RYR2: variants seen among roughly 807,000 people sequenced by gnomAD.
The protein encoded by RYR2 is ryanodine receptor 2.
A neutral mutation model predicts 601.1 loss-of-function variants in RYR2; 227 were observed. The ratio of observed to expected loss-of-function variants is 0.38; its 90% CI spans 0.34 to 0.42. The LOEUF is 0.42. Ranked by LOEUF, RYR2 falls within the 10% of genes least tolerant of loss-of-function variation. The pLI, the probability that RYR2 is intolerant of heterozygous loss-of-function variation, is 1.00. For synonymous variants in RYR2, 2,223 were observed against 2,175.1 expected, an observed-to-expected ratio of 1.02 and a Z score of -0.61; for missense variants, 4,646 against 6,156.5, an observed-to-expected ratio of 0.75 and a Z score of 8.21.
intron 1 of RYR2, among the ~76,000 whole-genome samples, chr1:237,077,464 G>T (rs1378658219): frequency 7.5e-6 from 1 of 133,940 alleles, no homozygotes; most frequent in African/African-American, 2.6e-5. Flanking sequence ...AAAAAAGGCA[G>T]GGGTTGCAAT....
intron 1 of RYR2, among the ~76,000 whole-genome samples, chr1:237,056,413 G>T (rs187230787): frequency 1.4e-5 from 2 of 144,084 alleles, no homozygotes; most frequent in East Asian, 4.4e-4. Context: ...GAGGACTGCA[G>T]CACTGCACCT....
intron 1 of RYR2, among the ~76,000 whole-genome samples, chr1:237,187,406 G>T (rs1392718888): frequency 3.6e-5 from 5 of 139,988 alleles, no homozygotes; most frequent in Non-Finnish European, 7.6e-5. Flanking sequence ...CTCCCAAAGT[G>T]CTGGAATTAC....
intron 1 of RYR2, among the ~76,000 whole-genome samples, chr1:237,047,389 CTTTT>C (rs3056166): frequency 8.9e-5 from 11 of 123,702 alleles, no homozygotes; most frequent in East Asian, 2.4e-4. Context: ...CCTTTCTAGC[CTTTT>C]TTTTTTTTTT....
At chr1:237,768,066 G>A (rs1693977654) in intron 84 of RYR2, among the ~76,000 whole-genome samples, 2 of 152,132 alleles carry the variant, frequency 1.3e-5, no homozygotes. Context: ...TAGAATAGTA[G>A]CCTTTAAAAA....
chr1:237,530,503 C>G lies in RYR2; in HGVS notation c.2899C>G (p.Pro967Ala). 6.3e-7 allele frequency: 1 copy of G among 1,599,108 alleles called. No individual in the cohort carries two copies. Among genetic ancestry groups the G allele is most frequent in the South Asian group, 1.1e-5 (1 of 88,384 alleles). The change falls in exon 25 of 105, where the codon CCC becomes GCC. Residue 967 changes from proline (P) to alanine (A), a missense_variant. Transcript: ENST00000366574. ...AEDKVKKMKL[P>A]KNYQLTSGYK... ...AGACAAGGTGAAAAAAATGAAGCTA[C>G]CCAAGAAGTAAGTTGAATGACTAAG...
chr1:237,062,695 AT>A (rs1663032932), intron 1 of RYR2, among the ~76,000 whole-genome samples: 1 of 152,018 alleles, frequency 6.6e-6, no homozygotes, highest in African/African-American at 2.4e-5. Context: ...CTCAGTTTTC[AT>A]TTCTTGTTAT....
rs184702947 is a variant in RYR2 at position 237,289,580 on chromosome 1, C to A, written c.168+18964C>A. 2.4e-3 allele frequency among the ~76,000 whole-genome samples: 358 copies of A among 152,256 alleles called. 2 individuals carry two copies. Among genetic ancestry groups the A allele is most frequent in the Non-Finnish European group, 3.8e-3 (259 of 68,024 alleles). Reference sequence around the variant, plus strand: ...GATCTCATGAGAACTCACTCAGTATCACAAGAACAGCAGCATGGGGGTAAC... The same window carrying A: ...GATCTCATGAGAACTCACTCAGTATAACAAGAACAGCAGCATGGGGGTAAC... On this transcript the variant is annotated intron_variant, in intron 2 of 104. Transcript: ENST00000366574.
chr1:237,663,671 T>C (rs1387990731), intron 56 of RYR2, among the ~76,000 whole-genome samples: 1 of 152,230 alleles, frequency 6.6e-6, no homozygotes, highest in Non-Finnish European at 1.5e-5. Flanking sequence ...CTGGTTATGA[T>C]GCTTGTCAAT....
chr1:237,786,048 T>C lies in RYR2; in HGVS notation c.13328+12T>C. On this transcript the variant is annotated intron_variant, in intron 91 of 104. Coordinates refer to ENST00000366574, the MANE Select transcript of RYR2 (RefSeq NM_001035.3). The stretch of plus-strand genomic sequence containing the variant: ...CCTGAAAAAGCCGAGTATGTATAGT[T>C]TGCATATACTTTTCCTTCGTTTCAG... The C allele has an allele frequency of 2.0e-6, 3 of 1,526,692 alleles. No homozygotes were observed. The highest frequency in any genetic ancestry group is 2.7e-6 in the Non-Finnish European group (3 of 1,116,186). The allele number at this position is 1,526,692 out of a possible 1,614,324, so 94.6% of individuals were successfully genotyped here. A position where few individuals can be genotyped will look rare whatever the true frequency, so the allele number is the denominator to read the frequency against.
At chr1:237,071,738 G>GC (rs1359365228) in intron 1 of RYR2, among the ~76,000 whole-genome samples, 1 of 152,164 alleles carries the variant, frequency 6.6e-6, no homozygotes, top group Non-Finnish European at 1.5e-5. Context: ...GAACCTGTTT[G>GC]CCCCCTGTGG....
intron 3 of RYR2, among the ~76,000 whole-genome samples, chr1:237,349,770 TAAGA>T (rs1333758851): frequency 6.6e-6 from 1 of 151,894 alleles, no homozygotes; most frequent in Non-Finnish European, 1.5e-5. Context: ...ACCAAAAGAA[TAAGA>T]AAGAATAACC....
At chr1:237,313,245 T>C (rs1286518196) in intron 2 of RYR2, among the ~76,000 whole-genome samples, 1 of 151,046 alleles carries the variant, frequency 6.6e-6, no homozygotes, top group Non-Finnish European at 1.5e-5. Flanking sequence ...TAGGCTGAAT[T>C]ATCCTCAAAG....
chr1:237,797,763 T>A (rs796191255), intron 96 of RYR2, among the ~76,000 whole-genome samples: 2 of 152,250 alleles, frequency 1.3e-5, no homozygotes, highest in African/African-American at 4.8e-5. Context: ...CCATTTCTTA[T>A]GCTTTTATTT....
At chr1:237,584,209 T>C (rs1378878861) in intron 29 of RYR2, among the ~76,000 whole-genome samples, 1 of 152,206 alleles carries the variant, frequency 6.6e-6, no homozygotes, top group Non-Finnish European at 1.5e-5. Flanking sequence ...TCTGTTTTAT[T>C]GTGTTGAAAT....
At chr1:237,148,483 TGC>T in intron 1 of RYR2, among the ~76,000 whole-genome samples, 7 of 144,050 alleles carry the variant, frequency 4.9e-5, no homozygotes, top group African/African-American at 1.8e-4. Context: ...AACAAACCTG[TGC>T]ATTCTGCACA....
chr1:237,633,500 G>C (rs1190430896), intron 42 of RYR2, 78 bp from the exon 43 acceptor site: 1 of 1,558,114 alleles, frequency 6.4e-7, no homozygotes. Context: ...TTGACGATGT[G>C]ATTGAGACCT....
intron 1 of RYR2, among the ~76,000 whole-genome samples, chr1:237,127,503 G>T (rs1260649102): frequency 4.0e-5 from 6 of 150,722 alleles, no homozygotes; most frequent in Admixed American, 4.0e-4. Context: ...GCGGCTGGCC[G>T]GGCGGGGGGC....
Position 237,651,473 on chromosome 1 carries a change from T to G in RYR2, c.7796T>G (p.Leu2599Ter), listed in dbSNP as rs1682723642. ...AGATTAGTATTTGATGTTCCATTAT[T>G]AAATGAACACGCAAAGATGCCTCTT... Reference protein sequence around the residue: ...LRRLVFDVPLLNEHAKMPLKL... With the variant: ...LRRLVFDVPL The change falls in exon 51 of 105, where the codon TTA becomes TGA. Residue 2599 changes from leucine to a stop codon, truncating the protein, a stop_gained. Transcript: ENST00000366574. LOFTEE classifies it high-confidence loss of function. 1 of 1,586,564 alleles carries G rather than the reference T, an allele frequency of 6.3e-7. No homozygotes were observed.
intron 40 of RYR2, among the ~76,000 whole-genome samples, chr1:237,626,065 G>A (rs1311080708): frequency 1.1e-4 from 17 of 152,162 alleles, no homozygotes; most frequent in Admixed American, 1.1e-3. Context: ...TTTTATCAGA[G>A]ACCATAAAGA....
Sources: allele counts gnomAD v4.1 joint callset (sites outside exome capture counted in the v4.1 genomes callset), GRCh38; gene constraint gnomAD v4.1.1; transcripts MANE v1.5; gene names NCBI Gene and HGNC (gene_info 2026-07-23, HGNC 2026-07-21).